The following CCR5AS variants were observed in gnomAD, a reference collection of about 807,000 sequenced individuals.
CCR5AS encodes CCR5 antisense RNA.
At chr3:46,368,722 G>C (rs1575277299) in intron 3 of CCR5AS, among the ~76,000 whole-genome samples, 2 of 152,234 alleles carry the variant, frequency 1.3e-5, no homozygotes, top group Non-Finnish European at 2.9e-5. Context: ...GGCAGTGGAA[G>C]TATCTTGCCG....
chr3:46,394,996 A>G (rs1450462918), intron 1 of CCR5AS, among the ~76,000 whole-genome samples: 1 of 152,114 alleles, frequency 6.6e-6, no homozygotes, highest in Non-Finnish European at 1.5e-5. Context: ...CTGTATTGGA[A>G]GAAGGCAAGA....
intron 1 of CCR5AS, among the ~76,000 whole-genome samples, chr3:46,399,968 C>T (rs1383591333): frequency 6.6e-6 from 1 of 152,138 alleles, no homozygotes; most frequent in African/African-American, 2.4e-5. Context: ...TGTATCTTGT[C>T]CACATAGCTA....
chr3:46,364,146 A>G (rs1701578891), downstream of CCR5AS, among the ~76,000 whole-genome samples: 1 of 152,268 alleles, frequency 6.6e-6, no homozygotes, highest in Non-Finnish European at 1.5e-5. Flanking sequence ...GTGTAGACAA[A>G]ACAGTCTTAT....
At chr3:46,390,179 G>A (rs1479004166) in intron 2 of CCR5AS, among the ~76,000 whole-genome samples, 2 of 152,168 alleles carry the variant, frequency 1.3e-5, no homozygotes, top group African/African-American at 4.8e-5. Flanking sequence ...GGACTGGTGG[G>A]TGTCAGAGTC....
chr3:46,402,161 A>G (rs1702010570), intron 1 of CCR5AS, among the ~76,000 whole-genome samples: 1 of 152,250 alleles, frequency 6.6e-6, no homozygotes, highest in Non-Finnish European at 1.5e-5. Flanking sequence ...TTTAGGGAAT[A>G]GTCAACACTA....
chr3:46,368,819 T>C (rs1413136629), intron 3 of CCR5AS, among the ~76,000 whole-genome samples: 3 of 152,098 alleles, frequency 2.0e-5, no homozygotes, highest in Admixed American at 2.0e-4. Flanking sequence ...TGAGTATGTC[T>C]TCACATCCTC....
At chr3:46,376,331 AAGAG>A (rs1292625899) in intron 2 of CCR5AS, 3 of 152,298 alleles carry the variant, frequency 2.0e-5, no homozygotes, top group Non-Finnish European at 4.4e-5. Context: ...GATGTATACA[AAGAG>A]AGAGATAATT....
intron 2 of CCR5AS, chr3:46,373,230 A>C (rs763433060): frequency 7.4e-6 from 12 of 1,614,034 alleles, no homozygotes; most frequent in Non-Finnish European, 6.8e-6. Flanking sequence ...GCTCTATTTT[A>C]TAGGCTTCTT....
intron 1 of CCR5AS, among the ~76,000 whole-genome samples, chr3:46,400,493 A>G (rs918258329): frequency 6.6e-6 from 1 of 152,240 alleles, no homozygotes; most frequent in Non-Finnish European, 1.5e-5. Context: ...TGAACAACAC[A>G]TATTACACAA....
At chr3:46,370,989 G>A (rs9282631) in intron 3 of CCR5AS, 30 of 152,274 alleles carry the variant, frequency 2.0e-4, no homozygotes, top group African/African-American at 6.7e-4. Flanking sequence ...ACTCTCCCCG[G>A]TAAGTAACCT....
At chr3:46,365,721 T>A (rs1701592686) in intron 3 of CCR5AS, among the ~76,000 whole-genome samples, 1 of 152,074 alleles carries the variant, frequency 6.6e-6, no homozygotes, top group Admixed American at 6.5e-5. Flanking sequence ...ATATGTGAGA[T>A]CTCTCTTTGA....
chr3:46,397,195 C>G (rs1701968819), intron 1 of CCR5AS, among the ~76,000 whole-genome samples: 1 of 151,916 alleles, frequency 6.6e-6, no homozygotes, highest in Non-Finnish European at 1.5e-5. Context: ...TGGGACAGCT[C>G]CCACTGCTCC....
intron 3 of CCR5AS, among the ~76,000 whole-genome samples, chr3:46,367,149 G>T (rs1701607212): frequency 6.6e-6 from 1 of 152,074 alleles, no homozygotes; most frequent in Non-Finnish European, 1.5e-5. Flanking sequence ...AGACAGAGTG[G>T]CCCTTACCTC....
chr3:46,392,479 G>A (rs899176310), intron 2 of CCR5AS, among the ~76,000 whole-genome samples: 10 of 152,194 alleles, frequency 6.6e-5, no homozygotes, highest in African/African-American at 2.4e-4. Flanking sequence ...GAAGGGGGGA[G>A]GTGAGCAGCC....
At chr3:46,372,705 G>C in intron 2 of CCR5AS, 1 of 478,982 alleles carries the variant, frequency 2.1e-6, no homozygotes, top group East Asian at 3.5e-5. Flanking sequence ...TAGTGGACAG[G>C]GAAGCTAGCA....
intron 1 of CCR5AS, among the ~76,000 whole-genome samples, chr3:46,393,884 T>C (rs996604422): frequency 3.3e-5 from 5 of 152,204 alleles, no homozygotes; most frequent in Admixed American, 6.5e-5. Flanking sequence ...AATGAAACCA[T>C]TTTATAACCA....
rs150258993 is a variant in CCR5AS, at chr3:46,384,654, G to T, written n.391+8171C>A. The stretch of plus-strand genomic sequence containing the variant: ...TGAGTTATCCAATCCAAGGATGGGG[G>T]TCTGGAGGAAAAAATCCTAGAGAGC... On this transcript the variant is annotated intron_variant and non_coding_transcript_variant, in intron 2 of 3. Transcript: ENST00000451485. Among the ~76,000 whole-genome samples, 90 of 152,302 alleles carry T rather than the reference G, an allele frequency of 5.9e-4. No individual in the cohort carries two copies. In the East Asian group the frequency reaches 0.015, roughly 25 times the overall value.
intron 2 of CCR5AS, chr3:46,372,871 T>A (rs1323482805): frequency 1.3e-6 from 2 of 1,502,752 alleles, no homozygotes; most frequent in African/African-American, 2.8e-5. Context: ...TTATAAAAGA[T>A]CACTTTTTAT....
At chr3:46,382,280 C>T (rs934829689) in intron 2 of CCR5AS, among the ~76,000 whole-genome samples, 2 of 152,248 alleles carry the variant, frequency 1.3e-5, no homozygotes, top group African/African-American at 4.8e-5. Flanking sequence ...TGGCCAGCTT[C>T]TTCCCGTGCT....
Sources: allele counts gnomAD v4.1 joint callset (sites outside exome capture counted in the v4.1 genomes callset), GRCh38; gene constraint gnomAD v4.1.1; transcripts MANE v1.5; gene names NCBI Gene and HGNC (gene_info 2026-07-23, HGNC 2026-07-21).